Variants in FBXL18 observed in about 807,000 individuals in gnomAD.
FBXL18 encodes the protein F-box and leucine rich repeat protein 18.
FBXL18 carries 36 observed loss-of-function variants against 46.0 expected under a neutral mutation model. The observed-to-expected ratio is 0.78, with a 90% CI of 0.60 to 1.03. The LOEUF (loss-of-function observed/expected upper bound fraction) is 1.03. FBXL18 is among the 50% of genes least tolerant of loss of function. FBXL18 has a pLI of 0.00. For synonymous variants in FBXL18, 557 were observed against 465.3 expected, an observed-to-expected ratio of 1.20 and a Z score of -2.54; for missense variants, 977 against 1,004.1, an observed-to-expected ratio of 0.97 and a Z score of 0.36.
chr7:5,508,223 G>A (rs1344875725), intron 1 of FBXL18, among the ~76,000 whole-genome samples: 2 of 148,730 alleles, frequency 1.3e-5, no homozygotes, highest in African/African-American at 2.5e-5. Context: ...CTGAGATCGC[G>A]CCACTGCACT....
intron 1 of FBXL18, among the ~76,000 whole-genome samples, chr7:5,506,099 A>G (rs1356833262): frequency 6.6e-6 from 1 of 151,758 alleles, no homozygotes; most frequent in Non-Finnish European, 1.5e-5. Context: ...CTCCTGGGCA[A>G]GTGATCCTCC....
chr7:5,498,809 A>G (rs12533423), intron 3 of FBXL18, among the ~76,000 whole-genome samples: 141,352 of 152,198 alleles, frequency 0.93, 65,702 homozygotes, highest in African/African-American at 0.97. Context: ...CTGACCTTAG[A>G]TGATCCGCAC....
chr7:5,482,012 C>T (rs1249253203), intron 4 of FBXL18, 81 bp from the exon 5 acceptor site: 14 of 1,485,814 alleles, frequency 9.4e-6, no homozygotes, highest in African/African-American at 1.4e-5. Flanking sequence ...CCAGGAGGCA[C>T]TCACACCTGC....
chr7:5,501,073 T>G lies in FBXL18; in HGVS notation c.1196A>C (p.Glu399Ala). ...CTGGCAGAGGTGGCGGCCCAGGCCC[T>G]CCGAGCTGTGGTGGTGGGCGGCCGA... ...NLSAAHHHSS[E>A]GLGRHLCQLL... The change falls in exon 3 of 5, where the codon GAG becomes GCG. Residue 399 changes from glutamate (E) to alanine (A), a missense_variant. Physicochemically the swap from Glu to Ala is moderately radical, Grantham distance 107. Coordinates refer to ENST00000382368, the MANE Select transcript of FBXL18 (RefSeq NM_024963.6). 1 of 1,611,100 alleles carries G rather than the reference T, an allele frequency of 6.2e-7. No individual in the cohort carries two copies. Among genetic ancestry groups the G allele is most frequent in the Non-Finnish European group, 8.5e-7 (1 of 1,179,516 alleles).
At chr7:5,505,356 T>C in intron 2 of FBXL18, 56 bp downstream of exon 2, 6 of 1,505,316 alleles carry the variant, frequency 4.0e-6, no homozygotes, top group African/African-American at 1.4e-5. Context: ...CTGTGCCCAG[T>C]CCTCAAAGAC....
rs1783536552 is a variant in FBXL18 at position 5,477,190 on chromosome 7, T to A, written c.*4585A>T. On this transcript the variant is annotated 3_prime_UTR_variant, in exon 5 of 5. Transcript: ENST00000382368. The surrounding 1 kb of genome is among the most constrained non-coding windows in gnomAD (Gnocchi z 4.4). ...GCGTGAGCCACTGCGCCCGGCCAGA[T>A]CTAGAAACTTCTAACTTGAATCCCA... Among the ~76,000 whole-genome samples, 1 of 152,054 alleles carries A rather than the reference T, an allele frequency of 6.6e-6. No homozygotes were observed. The highest frequency in any genetic ancestry group is 2.1e-4 in the South Asian group (1 of 4,818).
chr7:5,507,446 C>G (rs182510399), intron 1 of FBXL18, among the ~76,000 whole-genome samples: 1 of 152,108 alleles, frequency 6.6e-6, no homozygotes, highest in Non-Finnish European at 1.5e-5. Flanking sequence ...GAAAGCCACA[C>G]GGAAACCAAA....
Position 5,490,268 on chromosome 7 carries a change from G to A in FBXL18, c.2000+963C>T, listed in dbSNP as rs553892849. 20 of 1,261,124 alleles carry A rather than the reference G, an allele frequency of 1.6e-5. 1 individual carries two copies. Among genetic ancestry groups the A allele is most frequent in the African/African-American group, 9.2e-5 (6 of 64,972 alleles). 78.1% of individuals were successfully genotyped at this position (1,261,124 alleles called of 1,614,324 possible). On this transcript the variant is annotated intron_variant, in intron 4 of 4. Transcript: ENST00000382368. ...TGTCCTGCTGCCCCCTTGGCCGGGCGCACGCCTCTCTCAGGAGCCCTGATC... is the reference window on the plus strand; with the variant it reads ...TGTCCTGCTGCCCCCTTGGCCGGGCACACGCCTCTCTCAGGAGCCCTGATC...
chr7:5,454,570 ACC>A (rs1783146822), intron 4 of FBXL18, among the ~76,000 whole-genome samples: 4 of 152,090 alleles, frequency 2.6e-5, no homozygotes, highest in Admixed American at 2.0e-4. Flanking sequence ...ATGTCTTGTT[ACC>A]CATCCAGACT....
chr7:5,457,973 C>G (rs1483754773), intron 4 of FBXL18, among the ~76,000 whole-genome samples: 5 of 152,220 alleles, frequency 3.3e-5, no homozygotes, highest in African/African-American at 1.2e-4. Context: ...AGCTGGAGAA[C>G]TGCCCACAAG....
chr7:5,470,695 TTCCCGGGGGGGAGATGTCCCC>T (rs1351488742), intron 4 of FBXL18, among the ~76,000 whole-genome samples: 1 of 15,716 alleles, frequency 6.4e-5, no homozygotes, highest in South Asian at 2.0e-3. Flanking sequence ...CCCCCTCCCC[TTCCCGGGGGGGAGATGTCCCC>T]TTCCCGGGGG....
chr7:5,511,393 A>G (rs185695714), intron 1 of FBXL18, among the ~76,000 whole-genome samples: 3 of 152,242 alleles, frequency 2.0e-5, no homozygotes, highest in African/African-American at 7.2e-5. Flanking sequence ...GGCCTGACCA[A>G]CATGGAGAAA....
intron 4 of FBXL18, among the ~76,000 whole-genome samples, chr7:5,461,342 G>T (rs543657925): frequency 6.6e-6 from 1 of 152,082 alleles, no homozygotes; most frequent in Non-Finnish European, 1.5e-5. Context: ...TGAGGCCAGA[G>T]GATCGCTTGA....
rs1784228803 is a variant in FBXL18 at position 5,500,957 on chromosome 7, G to T, written c.1312C>A (p.Gln438Lys). ...CGCGGCACTGCGTGCATGGCCGGCT[G>T]GGCGGGCGCGCGGTCGGCGCGCGGC... is the stretch of plus-strand genomic sequence containing the variant. ...SAPRADRAPA[Q>K]PAMHAVPRGF... The change falls in exon 3 of 5, where the codon CAG (glutamine) becomes AAG (lysine). Residue 438 changes from glutamine (Q) to lysine (K), a missense_variant. By Grantham distance (53) the Gln-to-Lys change is moderately conservative. Transcript: ENST00000382368. The T allele has an allele frequency of 2.6e-6, 4 of 1,536,474 alleles. No homozygotes were observed. Among genetic ancestry groups the T allele is most frequent in the Admixed American group, 2.2e-5 (1 of 46,062 alleles).
At position 5,501,473 on chromosome 7, in the gene FBXL18, G is replaced by A; in HGVS notation, c.796C>T (p.Leu266Phe). 6.2e-7 allele frequency: 1 copy of A among 1,613,886 alleles called. No individual in the cohort carries two copies. The highest frequency in any genetic ancestry group is 2.2e-5 in the East Asian group (1 of 44,892). Residue 266 changes from leucine (L) to phenylalanine (F), a missense_variant, in exon 3 of 5, where the codon CTC (leucine) becomes TTC (phenylalanine). Transcript: ENST00000382368. Reference protein sequence around the residue: ...DRTPQNLHAFLISVPGSFAES... With the variant: ...DRTPQNLHAFFISVPGSFAES... ...GCGAAGCTGCCAGGGACGGAGATGA[G>A]GAAGGCGTGGAGGTTCTGAGGAGTG...
Position 5,485,778 on chromosome 7 carries a change from G to A in FBXL18, c.2001-3847C>T, listed in dbSNP as rs142557247. ...CAAAATTAGCCGGGTGTGGCCGGGCGCGGTGGCTCAAGCCTCTAATCCCAG... is the reference window on the plus strand; with the variant it reads ...CAAAATTAGCCGGGTGTGGCCGGGCACGGTGGCTCAAGCCTCTAATCCCAG... On this transcript the variant is annotated intron_variant, in intron 4 of 4. Transcript: ENST00000382368. 2.3e-3 allele frequency among the ~76,000 whole-genome samples: 353 copies of A among 152,216 alleles called. 1 individual carries two copies. Among genetic ancestry groups the A allele is most frequent in the South Asian group, 0.011 (54 of 4,818 alleles).
In FBXL18 at chr7:5,499,010, T is replaced by C. The variant is rs1784158799; in HGVS notation, c.1781+1478A>G. On this transcript the variant is annotated intron_variant, in intron 3 of 4. Transcript: ENST00000382368. ...CTCCACAGCACAATTCAGCATAAAT[T>C]CATGTTGTGCTTGGCTCTGGAAATG... Among the ~76,000 whole-genome samples the C allele has an allele frequency of 3.3e-5, 5 of 152,184 alleles. No homozygotes were observed. In the South Asian group the frequency reaches 1.0e-3, roughly 31 times the overall value.
rs1256125863 is a variant in FBXL18 at position 5,505,688 on chromosome 7, C to T, written c.19-58G>A. Reference sequence around the variant, plus strand: ...TCCCCAAGGATGGCTGTCAGCCTAGCCTGCAGCTAGGCAGAGAAGCAAAGA... The same window carrying T: ...TCCCCAAGGATGGCTGTCAGCCTAGTCTGCAGCTAGGCAGAGAAGCAAAGA... On this transcript the variant is annotated intron_variant, in intron 1 of 4. Coordinates refer to ENST00000382368, the MANE Select transcript of FBXL18 (RefSeq NM_024963.6). 3.4e-6 allele frequency: 5 copies of T among 1,472,856 alleles called. No homozygotes were observed. The Admixed American group carries it at 6.8e-5, about 20-fold the overall frequency. 91.2% of individuals were successfully genotyped at this position (1,472,856 alleles called of 1,614,324 possible).
chr7:5,501,304 C>T lies in FBXL18; in HGVS notation c.965G>A (p.Ser322Asn). 6.2e-7 allele frequency: 1 copy of T among 1,614,170 alleles called. No homozygotes were observed. The highest frequency in any genetic ancestry group is 8.5e-7 in the Non-Finnish European group (1 of 1,180,026). The change falls in exon 3 of 5, where the codon AGC becomes AAC. Residue 322 changes from serine (S) to asparagine (N), a missense_variant. By Grantham distance (46) the Ser-to-Asn change is conservative. Coordinates refer to ENST00000382368, the MANE Select transcript of FBXL18 (RefSeq NM_024963.6). ...ATGGCCGCCTGACAGGGTACAGCGGCTGAAACTGAAGTAGAACGGGTTGTT... is the reference window on the plus strand; with the variant it reads ...ATGGCCGCCTGACAGGGTACAGCGGTTGAAACTGAAGTAGAACGGGTTGTT... ...KFNNPFYFSFSRCTLSGGHLI... is the reference protein window; with the variant it reads ...KFNNPFYFSFNRCTLSGGHLI...
Sources: allele counts gnomAD v4.1 joint callset (sites outside exome capture counted in the v4.1 genomes callset), GRCh38; gene constraint gnomAD v4.1.1; non-coding constraint Gnocchi (gnomAD v3.1); transcripts MANE v1.5; gene names NCBI Gene and HGNC (gene_info 2026-07-23, HGNC 2026-07-21).